Variants in AGO1 observed in about 807,000 individuals in gnomAD.
AGO1 encodes the protein argonaute RISC component 1, also known as protein argonaute-1.
AGO1 carries 11 observed loss-of-function variants against 109.2 expected under a neutral mutation model. The ratio of observed to expected loss-of-function variants is 0.10; its 90% CI spans 0.06 to 0.17. AGO1 has a LOEUF of 0.17. AGO1 is among the 10% of genes least tolerant of loss of function. The pLI, the probability that AGO1 is intolerant of heterozygous loss-of-function variation, is 1.00. For synonymous variants in AGO1, 422 were observed against 418.6 expected (o/e 1.01, Z -0.10); for missense variants, 574 against 1,140.3 (o/e 0.50, Z 7.15).
rs191490961 is a variant in AGO1, at chr1:35,924,281, A to C, written c.*4674A>C. ...CAATTCTGTGTTTTATAAAGACAAC[A>C]GTGGCTTCTATTTCTAAAGTGCGGT... is the stretch of plus-strand genomic sequence containing the variant. On this transcript the variant is annotated 3_prime_UTR_variant, in exon 19 of 19. Coordinates refer to ENST00000373204, the MANE Select transcript of AGO1 (RefSeq NM_012199.5). 33 of 153,582 alleles carry C rather than the reference A, an allele frequency of 2.1e-4. No homozygotes were observed. Among genetic ancestry groups the C allele is most frequent in the African/African-American group, 7.4e-4 (31 of 41,616 alleles). The allele number at this position is 153,582 out of a possible 1,614,324, so 9.5% of individuals were successfully genotyped here.
intron 14 of AGO1, among the ~76,000 whole-genome samples, 160 bp from the exon 15 acceptor site, chr1:35,915,188 C>G (rs1386546618): frequency 6.6e-6 from 1 of 152,036 alleles, no homozygotes; most frequent in Non-Finnish European, 1.5e-5. Flanking sequence ...TGAGTAACTT[C>G]TGCTTGTGTG....
At chr1:35,873,721 G>A (rs1350559486) in intron 1 of AGO1, 1 of 152,656 alleles carries the variant, frequency 6.6e-6, no homozygotes, top group Non-Finnish European at 1.5e-5. Context: ...ACTTTTCCTA[G>A]ATCAAAGTGA....
chr1:35,906,799 T>C, intron 11 of AGO1, 136 bp from the exon 12 acceptor site: 1 of 690,362 alleles, frequency 1.4e-6, no homozygotes, highest in Non-Finnish European at 2.4e-6. Flanking sequence ...CAGAGCACCC[T>C]GTCTCAAGGA....
At chr1:35,904,749 A>G (rs918255683) in intron 11 of AGO1, among the ~76,000 whole-genome samples, 2 of 152,224 alleles carry the variant, frequency 1.3e-5, no homozygotes, top group African/African-American at 2.4e-5. Flanking sequence ...CAAGTCATCT[A>G]TAGCAGTGGC....
chr1:35,893,695 C>T lies in AGO1; in HGVS notation c.534C>T (p.Ser178=). 6.2e-7 allele frequency: 1 copy of T among 1,613,656 alleles called. No homozygotes were observed. The highest frequency in any genetic ancestry group is 8.5e-7 in the Non-Finnish European group (1 of 1,179,824). ...ASMRYTPVGR[S]FFSPPEGYYH... ...CCAGGTACACCCCTGTGGGCCGCTC[C>T]TTCTTCTCACCGCCTGAGGGCTACT... The change falls in exon 5 of 19, where the codon TCC becomes TCT. Residue 178 remains serine, a synonymous_variant. Coordinates refer to ENST00000373204, the MANE Select transcript of AGO1 (RefSeq NM_012199.5). The surrounding 1 kb of genome is among the most constrained non-coding windows in gnomAD (Gnocchi z 5.6).
At chr1:35,889,577 A>G (rs1645180260) in intron 2 of AGO1, among the ~76,000 whole-genome samples, 1 of 152,116 alleles carries the variant, frequency 6.6e-6, no homozygotes, top group Admixed American at 6.5e-5. Flanking sequence ...AAAAATTCAA[A>G]TATTACAAAA....
chr1:35,889,070 AT>A (rs1326474851), intron 2 of AGO1, among the ~76,000 whole-genome samples: 1 of 150,824 alleles, frequency 6.6e-6, no homozygotes, highest in Non-Finnish European at 1.5e-5. Flanking sequence ...GATGTCCTTG[AT>A]GAGGCAGAAG....
rs796799611 is a variant in AGO1, at chr1:35,883,254, C to G, written c.-168C>G. 1 of 1,345,358 alleles carries G rather than the reference C, an allele frequency of 7.4e-7. No homozygotes were observed. The highest frequency in any genetic ancestry group is 1.8e-5 in the South Asian group (1 of 54,198). 83.3% of individuals were successfully genotyped at this position (1,345,358 alleles called of 1,614,324 possible). Reference sequence around the variant, plus strand: ...TCGCAGTGGGAGCTGCTGCAGGCTCCGCGGCGGCGGCAACGGAGGCTGCGG... The same window carrying G: ...TCGCAGTGGGAGCTGCTGCAGGCTCGGCGGCGGCGGCAACGGAGGCTGCGG... On this transcript the variant is annotated 5_prime_UTR_variant, in exon 1 of 19. Coordinates refer to ENST00000373204, the MANE Select transcript of AGO1 (RefSeq NM_012199.5). This position sits in a 1 kb window ranked among gnomAD's most constrained non-coding sequence, Gnocchi z 5.4.
chr1:35,899,969 G>C (rs2148714505), intron 8 of AGO1, among the ~76,000 whole-genome samples: 2 of 152,274 alleles, frequency 1.3e-5, no homozygotes, highest in South Asian at 4.1e-4. Context: ...AGACCTACTG[G>C]CTCTCTCAAT....
intron 17 of AGO1, among the ~76,000 whole-genome samples, chr1:35,918,795 A>C (rs1645781014): frequency 6.6e-6 from 1 of 152,156 alleles, no homozygotes; most frequent in South Asian, 2.1e-4. Flanking sequence ...ACCTCAAGTG[A>C]TCCACCCACC....
chr1:35,897,484 T>C (rs1385601474), intron 8 of AGO1, among the ~76,000 whole-genome samples: 1 of 152,186 alleles, frequency 6.6e-6, no homozygotes, highest in Non-Finnish European at 1.5e-5. Flanking sequence ...GGTCAAATAA[T>C]ATAGCCTGTT....
At chr1:35,907,446 G>A (rs1645544190) in intron 12 of AGO1, among the ~76,000 whole-genome samples, 1 of 152,068 alleles carries the variant, frequency 6.6e-6, no homozygotes, top group African/African-American at 2.4e-5. Flanking sequence ...GGAGTGCATT[G>A]TTTATCTGAA....
chr1:35,912,360 GA>G (rs753525049), intron 12 of AGO1, among the ~76,000 whole-genome samples: 6,611 of 40,666 alleles, frequency 0.16, 332 homozygotes, highest in East Asian at 0.49. Flanking sequence ...CTCTGTCTCA[GA>G]AAAAAAAAAA....
Position 35,901,048 on chromosome 1 carries a change from C to A in AGO1, c.1021-426C>A, listed in dbSNP as rs1292821285. 6.8e-6 allele frequency among the ~76,000 whole-genome samples: 1 copy of A among 147,852 alleles called. No individual in the cohort carries two copies. Among genetic ancestry groups the A allele is most frequent in the Non-Finnish European group, 1.5e-5 (1 of 67,486 alleles). ...CCAGGCTGGCGTTCAGTGGCGTGAT[C>A]TGGGCTCACTGCAACCTCCGCCTCC... On this transcript the variant is annotated intron_variant, in intron 8 of 18. Transcript: ENST00000373204. The surrounding 1 kb of genome is among the most constrained non-coding windows in gnomAD (Gnocchi z 4.8).
At chr1:35,899,787 G>A (rs888421862) in intron 8 of AGO1, among the ~76,000 whole-genome samples, 13 of 152,186 alleles carry the variant, frequency 8.5e-5, no homozygotes, top group Non-Finnish European at 1.8e-4. Flanking sequence ...ATGGGAGCAA[G>A]TTCCTCATTT....
At chr1:35,894,486 C>T (rs1645282432) in intron 7 of AGO1, 84 bp downstream of exon 7, 1 of 1,367,672 alleles carries the variant, frequency 7.3e-7, no homozygotes, top group Non-Finnish European at 1.0e-6. Context: ...CTCCCTCCCC[C>T]ACTGGCCTTG....
intron 12 of AGO1, among the ~76,000 whole-genome samples, chr1:35,909,373 C>T (rs1362282972): frequency 6.6e-6 from 1 of 152,164 alleles, no homozygotes; most frequent in African/African-American, 2.4e-5. Flanking sequence ...CATATCTAAC[C>T]TTTCTAAGCA....
intron 7 of AGO1, among the ~76,000 whole-genome samples, chr1:35,894,650 G>A (rs1413265572): frequency 6.6e-6 from 1 of 152,136 alleles, no homozygotes; most frequent in African/African-American, 2.4e-5. Context: ...GAACAAGTGT[G>A]TTCTCTGATT....
At chr1:35,884,123 G>A (rs371142521) in intron 1 of AGO1, among the ~76,000 whole-genome samples, 1 of 139,160 alleles carries the variant, frequency 7.2e-6, no homozygotes, top group Non-Finnish European at 1.5e-5. Context: ...CTTGGAAAAA[G>A]GAGCGCGCTG....
Sources: allele counts gnomAD v4.1 joint callset (sites outside exome capture counted in the v4.1 genomes callset), GRCh38; gene constraint gnomAD v4.1.1; non-coding constraint Gnocchi (gnomAD v3.1); transcripts MANE v1.5; gene names NCBI Gene and HGNC (gene_info 2026-07-23, HGNC 2026-07-21).